PALD1: variants seen among roughly 807,000 people sequenced by gnomAD.
PALD1 encodes the protein paladin.
In PALD1, 57 loss-of-function variants were observed where a neutral mutation model predicts 96.0. The ratio of observed to expected loss-of-function variants is 0.59; its 90% CI spans 0.48 to 0.74. The LOEUF is 0.74. PALD1 is among the 30% of genes least tolerant of loss of function. PALD1 has a pLI of 0.00. For missense variants in PALD1, 1,063 were observed against 1,143.7 expected (o/e 0.93, Z 1.02); for synonymous variants, 464 against 473.6 (o/e 0.98, Z 0.26).
At chr10:70,463,547 T>C in the PALD1 span, among the ~76,000 whole-genome samples, 1 of 152,104 alleles carries the variant, frequency 6.6e-6, no homozygotes, top group Non-Finnish European at 1.5e-5. Flanking sequence ...AATATTACTT[T>C]AGTACCCACT....
chr10:70,502,070 AG>A (rs1480577648), intron 1 of PALD1, among the ~76,000 whole-genome samples: 1 of 151,224 alleles, frequency 6.6e-6, no homozygotes, highest in Non-Finnish European at 1.5e-5. Context: ...AGACTGAGGC[AG>A]GAGCATTAGT....
chr10:70,497,064 T>A (rs1412693371), intron 1 of PALD1, among the ~76,000 whole-genome samples: 1 of 152,208 alleles, frequency 6.6e-6, no homozygotes, highest in Non-Finnish European at 1.5e-5. Context: ...CTTCTCTGCC[T>A]TCCTCGCCCA....
intron 1 of PALD1, among the ~76,000 whole-genome samples, chr10:70,508,843 C>CTGTG (rs61307157): frequency 6.3e-5 from 6 of 94,570 alleles, no homozygotes; most frequent in South Asian, 3.5e-4. Context: ...GCTGCGGAAC[C>CTGTG]TGTGTGTGTG....
chr10:70,501,471 G>A lies in PALD1; in HGVS notation c.-30+22412G>A, dbSNP rs1846292404. Among the ~76,000 whole-genome samples the A allele has an allele frequency of 2.6e-5, 4 of 152,270 alleles. No individual in the cohort carries two copies. In the South Asian group the frequency reaches 8.3e-4, roughly 32 times the overall value. On this transcript the variant is annotated intron_variant, in intron 1 of 19. Coordinates refer to ENST00000263563, the MANE Select transcript of PALD1 (RefSeq NM_014431.3). ...CCATGGGCCTCTGGTGAGGGACAGC[G>A]CTGGCGTCTACGCAGCTCCTTCTTA...
At chr10:70,528,796 A>G (rs1006552084) in intron 2 of PALD1, among the ~76,000 whole-genome samples, 8 of 152,172 alleles carry the variant, frequency 5.3e-5, no homozygotes, top group African/African-American at 1.9e-4. Flanking sequence ...TTGCTCCAAC[A>G]TCATCAACAT....
At chr10:70,489,645 A>G (rs967148626) in intron 1 of PALD1, among the ~76,000 whole-genome samples, 3 of 152,178 alleles carry the variant, frequency 2.0e-5, no homozygotes, top group African/African-American at 7.2e-5. Context: ...AATGTGGGTA[A>G]TACGTGGACT....
intron 1 of PALD1, among the ~76,000 whole-genome samples, chr10:70,514,672 C>A (rs1204694509): frequency 6.6e-6 from 1 of 152,128 alleles, no homozygotes; most frequent in Non-Finnish European, 1.5e-5. Flanking sequence ...GATCCTAATT[C>A]TCGGCTCTCT....
At chr10:70,520,872 A>G (rs1004413143) in intron 1 of PALD1, among the ~76,000 whole-genome samples, 12 of 150,962 alleles carry the variant, frequency 7.9e-5, no homozygotes, top group African/African-American at 2.0e-4. Context: ...TTGTATTTTT[A>G]GTAGAGATAG....
chr10:70,466,814 C>T, the PALD1 span, among the ~76,000 whole-genome samples: 2 of 152,178 alleles, frequency 1.3e-5, no homozygotes, highest in African/African-American at 2.4e-5. Flanking sequence ...AAAGCAAGGG[C>T]CCCGGGGCAG....
rs1847875124 is a variant in PALD1 at position 70,567,304 on chromosome 10, G to C, written c.*571G>C. 6.5e-6 allele frequency: 1 copy of C among 152,830 alleles called. No individual in the cohort carries two copies. The highest frequency in any genetic ancestry group is 2.1e-4 in the South Asian group (1 of 4,844). 9.5% of individuals were successfully genotyped at this position (152,830 alleles called of 1,614,324 possible). A position where few individuals can be genotyped will look rare whatever the true frequency, so the allele number is the denominator to read the frequency against. On this transcript the variant is annotated 3_prime_UTR_variant, in exon 20 of 20. Transcript: ENST00000263563. ...AAAGGCAGCTTCACCCAGTTTTCTG[G>C]ACTCTCATGCCCCCATCTCCGACCT...
the PALD1 span, among the ~76,000 whole-genome samples, chr10:70,473,187 T>A: frequency 6.6e-6 from 1 of 152,202 alleles, no homozygotes; most frequent in African/African-American, 2.4e-5. Flanking sequence ...CATCCCGCCC[T>A]GCTGGGTGCC....
intron 1 of PALD1, among the ~76,000 whole-genome samples, chr10:70,501,867 A>G (rs924346597): frequency 2.2e-5 from 3 of 137,220 alleles, no homozygotes; most frequent in African/African-American, 7.6e-5. Flanking sequence ...GTTCATGCAC[A>G]TTTGTATACA....
chr10:70,557,899 A>G (rs1027385768), intron 18 of PALD1, among the ~76,000 whole-genome samples: 6 of 147,250 alleles, frequency 4.1e-5, no homozygotes, highest in African/African-American at 1.5e-4. Context: ...TGGCTTGATG[A>G]AGACCCTGAA....
chr10:70,481,528 T>C lies in PALD1; in HGVS notation c.-30+2469T>C, dbSNP rs76325367. 3.2e-3 allele frequency among the ~76,000 whole-genome samples: 493 copies of C among 152,350 alleles called. 4 individuals are homozygous for C. Among genetic ancestry groups the C allele is most frequent in the African/African-American group, 0.011 (474 of 41,580 alleles). On this transcript the variant is annotated intron_variant, in intron 1 of 19. Transcript: ENST00000263563. ...GTGCCTTAAGTGCCAGCAGGTGCTC[T>C]TTGAATTTTGATTCTCATCTTCCCT... is the stretch of plus-strand genomic sequence containing the variant.
the PALD1 span, among the ~76,000 whole-genome samples, chr10:70,471,258 C>T: frequency 6.6e-6 from 1 of 152,244 alleles, no homozygotes; most frequent in Non-Finnish European, 1.5e-5. Flanking sequence ...CGCACTCAGC[C>T]TCGATAGTAT....
At chr10:70,515,974 G>T (rs1364567238) in intron 1 of PALD1, among the ~76,000 whole-genome samples, 1 of 152,134 alleles carries the variant, frequency 6.6e-6, no homozygotes, top group Non-Finnish European at 1.5e-5. Flanking sequence ...GCTTTTGCAT[G>T]CCTCTAACAG....
At chr10:70,482,824 G>T (rs913451368) in intron 1 of PALD1, among the ~76,000 whole-genome samples, 4 of 152,160 alleles carry the variant, frequency 2.6e-5, no homozygotes, top group African/African-American at 9.7e-5. Context: ...GATGAAAGGA[G>T]GTAATCGCAG....
At chr10:70,538,753 C>T in intron 12 of PALD1, 139 bp from the exon 13 acceptor site, 1 of 732,552 alleles carries the variant, frequency 1.4e-6, no homozygotes, top group Admixed American at 2.1e-5. Flanking sequence ...CCGGGGGAAG[C>T]TCCAAGTGTG....
chr10:70,538,364 G>T lies in PALD1; in HGVS notation c.1408G>T (p.Ala470Ser). 1 of 1,611,096 alleles carries T rather than the reference G, an allele frequency of 6.2e-7. No individual in the cohort carries two copies. ...LYRLPVTLSSAGPVAPRDLIA... is the reference protein window; with the variant it reads ...LYRLPVTLSSSGPVAPRDLIA... ...CCGCCTGCCCGTGACGCTGAGCTCA[G>T]CAGGCCCTGTGGCTCCGAGGGACCT... is the stretch of plus-strand genomic sequence containing the variant. The change falls in exon 12 of 20, where the codon GCA (alanine) becomes TCA (serine). Residue 470 changes from alanine (A) to serine (S), a missense_variant. Ala to Ser is a moderately conservative substitution (Grantham distance 99). Transcript: ENST00000263563.
Sources: allele counts gnomAD v4.1 joint callset (sites outside exome capture counted in the v4.1 genomes callset), GRCh38; gene constraint gnomAD v4.1.1; transcripts MANE v1.5; gene names NCBI Gene and HGNC (gene_info 2026-07-23, HGNC 2026-07-21).